SLC25A21: variants seen among roughly 807,000 people sequenced by gnomAD.
SLC25A21 encodes the protein mitochondrial 2-oxodicarboxylate carrier.
Under a neutral mutation model 43.8 loss-of-function variants are expected in SLC25A21, and 47 were observed. That is an observed-to-expected ratio of 1.07 (90% CI 0.85 to 1.37). The LOEUF (loss-of-function observed/expected upper bound fraction) is 1.37, where lower values mean the gene tolerates loss of function less well. Ranked by LOEUF, SLC25A21 falls within the 40% of genes most tolerant of loss-of-function variation. The probability of loss-of-function intolerance (pLI) is 0.00; values close to 1 mark genes in which losing one functional copy is unlikely to be tolerated. For missense variants in SLC25A21, 352 were observed against 350.2 expected, an observed-to-expected ratio of 1.00 and a Z score of -0.04; for synonymous variants, 131 against 121.3, an observed-to-expected ratio of 1.08 and a Z score of -0.52.
At chr14:36,845,061 T>C (rs1407893502) in intron 2 of SLC25A21, among the ~76,000 whole-genome samples, 1 of 152,238 alleles carries the variant, frequency 6.6e-6, no homozygotes, top group African/African-American at 2.4e-5. Context: ...TCATTAATTA[T>C]CTGCAAAAGT....
intron 2 of SLC25A21, among the ~76,000 whole-genome samples, chr14:36,819,340 A>T (rs1234206990): frequency 8.3e-6 from 1 of 120,136 alleles, no homozygotes; most frequent in Non-Finnish European, 1.8e-5. Flanking sequence ...AAACAAATGT[A>T]CAAGCATATT....
At chr14:36,694,074 C>T (rs1373741591) in intron 7 of SLC25A21, among the ~76,000 whole-genome samples, 1 of 152,044 alleles carries the variant, frequency 6.6e-6, no homozygotes, top group African/African-American at 2.4e-5. Context: ...CCCCCCAACC[C>T]CTGACAGGCC....
chr14:37,042,085 C>T (rs1961485801), intron 1 of SLC25A21, among the ~76,000 whole-genome samples: 1 of 152,168 alleles, frequency 6.6e-6, no homozygotes, highest in Non-Finnish European at 1.5e-5. Flanking sequence ...TCCCATAATA[C>T]ATTACGGGGT....
intron 3 of SLC25A21, among the ~76,000 whole-genome samples, chr14:36,761,623 A>AT (rs1375919525): frequency 6.6e-6 from 1 of 152,224 alleles, no homozygotes. Flanking sequence ...CAGTTTGTGA[A>AT]TTATTACACT....
chr14:37,124,668 A>G (rs1963266642), intron 1 of SLC25A21, among the ~76,000 whole-genome samples: 1 of 152,152 alleles, frequency 6.6e-6, no homozygotes, highest in African/African-American at 2.4e-5. Context: ...ATGGGATCTG[A>G]TGTGGTTTGG....
chr14:37,099,575 C>G (rs1962776963), intron 1 of SLC25A21, among the ~76,000 whole-genome samples: 1 of 152,044 alleles, frequency 6.6e-6, no homozygotes, highest in African/African-American at 2.4e-5. Flanking sequence ...TTGGTAGACC[C>G]TGCCAGGATG....
chr14:37,155,975 A>G (rs1963841401), intron 1 of SLC25A21, among the ~76,000 whole-genome samples: 1 of 152,030 alleles, frequency 6.6e-6, no homozygotes, highest in African/African-American at 2.4e-5. Flanking sequence ...CCTGGCCAAT[A>G]TGACGAAACC....
intron 4 of SLC25A21, among the ~76,000 whole-genome samples, chr14:36,733,538 G>A (rs1365422942): frequency 1.3e-5 from 2 of 152,184 alleles, no homozygotes; most frequent in African/African-American, 4.8e-5. Flanking sequence ...ATGTATATAT[G>A]TGGGTGATTT....
chr14:36,745,046 A>G (rs1469142306), intron 3 of SLC25A21, among the ~76,000 whole-genome samples: 1 of 118,326 alleles, frequency 8.5e-6, no homozygotes, highest in Non-Finnish European at 1.6e-5. Flanking sequence ...CCCTGTGTCC[A>G]TGTGTTCTCA....
At chr14:37,054,699 A>G (rs1463457893) in intron 1 of SLC25A21, among the ~76,000 whole-genome samples, 1 of 136,352 alleles carries the variant, frequency 7.3e-6, no homozygotes, top group Non-Finnish European at 1.5e-5. Flanking sequence ...GCCTTCAGTA[A>G]TTTGGAAAAT....
At chr14:36,881,427 T>C (rs1446753383) in intron 1 of SLC25A21, among the ~76,000 whole-genome samples, 3 of 152,140 alleles carry the variant, frequency 2.0e-5, no homozygotes, top group African/African-American at 7.2e-5. Flanking sequence ...CTGATAGATA[T>C]CTCATAACTC....
intron 1 of SLC25A21, among the ~76,000 whole-genome samples, chr14:37,121,184 C>A (rs1963200907): frequency 6.6e-6 from 1 of 152,212 alleles, no homozygotes; most frequent in Non-Finnish European, 1.5e-5. Flanking sequence ...CTCCTAGACA[C>A]AGCTCATGAA....
In SLC25A21 at chr14:36,898,842, G is replaced by T. The variant is rs188136527; in HGVS notation, c.71-23838C>A. ...TCCCCAGCCTGTCCTTGGATAGGAT[G>T]AATACATTTTGAAAGGCCTGTTGTA... On this transcript the variant is annotated intron_variant, in intron 1 of 9. Coordinates refer to ENST00000331299, the MANE Select transcript of SLC25A21 (RefSeq NM_030631.4). 3.7e-4 allele frequency among the ~76,000 whole-genome samples: 57 copies of T among 152,228 alleles called. 1 individual carries two copies. In the East Asian group the frequency reaches 0.01, roughly 28 times the overall value.
chr14:37,051,588 G>A (rs1961707118), intron 1 of SLC25A21, among the ~76,000 whole-genome samples: 1 of 152,100 alleles, frequency 6.6e-6, no homozygotes, highest in South Asian at 2.1e-4. Flanking sequence ...TTTAACAAAG[G>A]GACTATTTAC....
intron 1 of SLC25A21, among the ~76,000 whole-genome samples, chr14:36,903,614 GA>G (rs71124784): frequency 0.012 from 628 of 50,284 alleles, 1 homozygote; most frequent in African/African-American, 0.033. Context: ...CTCCGTCTCA[GA>G]AAAAAAAAAA....
intron 1 of SLC25A21, among the ~76,000 whole-genome samples, chr14:37,033,475 A>G (rs1961262672): frequency 6.6e-6 from 1 of 152,236 alleles, no homozygotes; most frequent in Non-Finnish European, 1.5e-5. Context: ...AGCAGCAATA[A>G]TAAAGAATGG....
At chr14:36,948,899 T>C (rs1892737230) in intron 1 of SLC25A21, among the ~76,000 whole-genome samples, 1 of 152,220 alleles carries the variant, frequency 6.6e-6, no homozygotes, top group African/African-American at 2.4e-5. Context: ...ATGTGGCTAT[T>C]CAAAAGTTTG....
At chr14:36,793,095 C>T (rs1291514231) in intron 3 of SLC25A21, among the ~76,000 whole-genome samples, 1 of 152,114 alleles carries the variant, frequency 6.6e-6, no homozygotes, top group Non-Finnish European at 1.5e-5. Flanking sequence ...AAAATATCAT[C>T]TTTAAGCACA....
intron 1 of SLC25A21, among the ~76,000 whole-genome samples, chr14:36,942,357 G>T (rs528237794): frequency 6.6e-6 from 1 of 152,126 alleles, no homozygotes; most frequent in Non-Finnish European, 1.5e-5. Context: ...TGGAAGCTTC[G>T]CTGAACTATC....
Sources: allele counts gnomAD v4.1 joint callset (sites outside exome capture counted in the v4.1 genomes callset), GRCh38; gene constraint gnomAD v4.1.1; transcripts MANE v1.5; gene names NCBI Gene and HGNC (gene_info 2026-07-23, HGNC 2026-07-21).